The following MYO3A variants were observed in gnomAD, a reference collection of about 807,000 sequenced individuals.
MYO3A encodes the protein myosin IIIA, also known as myosin-IIIa.
Under a neutral mutation model 192.7 loss-of-function variants are expected in MYO3A, and 180 were observed. The ratio of observed to expected loss-of-function variants is 0.93; its 90% CI spans 0.83 to 1.06. The LOEUF is 1.06. MYO3A is among the 50% of genes least tolerant of loss of function. The pLI is 0.00. For missense variants in MYO3A, 1,896 were observed against 1,905.0 expected (o/e 1.00, Z 0.09); for synonymous variants, 628 against 645.3 (o/e 0.97, Z 0.41).
chr10:25,944,661 A>G (rs1836722097), intron 2 of MYO3A, among the ~76,000 whole-genome samples: 1 of 151,938 alleles, frequency 6.6e-6, no homozygotes, highest in Non-Finnish European at 1.5e-5. Flanking sequence ...GAATTTGTCC[A>G]CTTCATCTAG....
intron 4 of MYO3A, among the ~76,000 whole-genome samples, chr10:25,988,715 C>T (rs959977901): frequency 1.4e-4 from 22 of 151,882 alleles, no homozygotes; most frequent in African/African-American, 5.3e-4. Flanking sequence ...AACAGTGGTT[C>T]ATCCATTCAG....
chr10:26,181,092 T>A (rs1430604797), intron 31 of MYO3A, among the ~76,000 whole-genome samples: 1 of 152,140 alleles, frequency 6.6e-6, no homozygotes, highest in Admixed American at 6.5e-5. Context: ...ACCTGAGTAT[T>A]TATAAAAACC....
chr10:26,203,180 T>G lies in MYO3A; in HGVS notation c.4730+73T>G, dbSNP rs988599778. 8.1e-6 allele frequency: 12 copies of G among 1,482,168 alleles called. No homozygotes were observed. In the Admixed American group the frequency reaches 8.6e-5, roughly 11 times the overall value. The allele number at this position is 1,482,168 out of a possible 1,614,324, so 91.8% of individuals were successfully genotyped here. ...AATTTCATTTCTTAAGATATTTCAC[T>G]TTATATATAGATGAATGACAAAGCA... On this transcript the variant is annotated intron_variant, in intron 34 of 34. Coordinates refer to ENST00000642920, the MANE Select transcript of MYO3A (RefSeq NM_017433.5).
chr10:25,943,768 T>TTGTGTGTGTGTGTGTGTGTGTG (rs58905708), intron 2 of MYO3A, among the ~76,000 whole-genome samples: 1 of 142,590 alleles, frequency 7.0e-6, no homozygotes, highest in Admixed American at 7.0e-5. Context: ...GTTCTAACAT[T>TTGTGTGTGTGTGTGTGTGTGTG]TGTGTGTGTG....
intron 17 of MYO3A, among the ~76,000 whole-genome samples, chr10:26,118,456 C>G (rs2131686217): frequency 6.6e-6 from 1 of 152,266 alleles, no homozygotes; most frequent in African/African-American, 2.4e-5. Context: ...TATATCCAAG[C>G]CACTGTTATC....
Position 26,174,493 on chromosome 10 carries a change from A to T in MYO3A, c.4229A>T (p.Asp1410Val). Reference sequence around the variant, plus strand: ...GAAATCAATAACATCAAGAAGAAGGATAACAAAGACTCGAAAGCAACTTCA... The same window carrying T: ...GAAATCAATAACATCAAGAAGAAGGTTAACAAAGACTCGAAAGCAACTTCA... ...HEEINNIKKK[D>V]NKDSKATSER... Residue 1410 changes from aspartate to valine, a missense_variant, in exon 30 of 35, where the codon GAT becomes GTT. Asp to Val is a radical substitution (Grantham distance 152). Transcript: ENST00000642920. 2 of 1,614,134 alleles carry T rather than the reference A, an allele frequency of 1.2e-6. No individual in the cohort carries two copies. Among genetic ancestry groups the T allele is most frequent in the Non-Finnish European group, 1.7e-6 (2 of 1,180,030 alleles).
At chr10:25,945,606 TTTTC>T (rs1836784535) in intron 2 of MYO3A, among the ~76,000 whole-genome samples, 1 of 152,148 alleles carries the variant, frequency 6.6e-6, no homozygotes, top group African/African-American at 2.4e-5. Context: ...CATTTTCCCA[TTTTC>T]TTCTTTGTCT....
chr10:26,094,420 C>CTTTTTTTTT (rs965507109), intron 15 of MYO3A, among the ~76,000 whole-genome samples: 5 of 101,308 alleles, frequency 4.9e-5, no homozygotes, highest in South Asian at 3.4e-4. Context: ...TGAATAATTT[C>CTTTTTTTTT]TTTTTTTTTT....
chr10:26,016,806 G>T lies in MYO3A; in HGVS notation c.509-14G>T, dbSNP rs750952450. The T allele has an allele frequency of 4.3e-6, 7 of 1,613,184 alleles. No individual in the cohort carries two copies. The African/African-American group carries it at 8.0e-5, about 18-fold the overall frequency. On this transcript the variant is annotated splice_polypyrimidine_tract_variant and intron_variant, in intron 6 of 34. Transcript: ENST00000642920. The stretch of plus-strand genomic sequence containing the variant: ...TAATTAATGCAAAAAAGTACATCTT[G>T]TCTCTTCCTCTAGGTGTGTCTGCAC...
intron 31 of MYO3A, among the ~76,000 whole-genome samples, chr10:26,180,381 T>A (rs1290237494): frequency 6.6e-6 from 1 of 152,206 alleles, no homozygotes; most frequent in Non-Finnish European, 1.5e-5. Flanking sequence ...AAGAATACGT[T>A]TCTTAATTCA....
rs563202952 is a variant in MYO3A, at chr10:26,063,813, A to G, written c.954-3162A>G. Among the ~76,000 whole-genome samples the G allele has an allele frequency of 6.1e-4, 93 of 152,344 alleles. No individual in the cohort carries two copies. The Middle Eastern group carries it at 0.017, about 28-fold the overall frequency. On this transcript the variant is annotated intron_variant, in intron 10 of 34. Coordinates refer to ENST00000642920, the MANE Select transcript of MYO3A (RefSeq NM_017433.5). ...GGGATGTATAGTTTAAGAAACAGAA[A>G]CAAGTCCAGTTAAGCTAAAGTGTAA... is the stretch of plus-strand genomic sequence containing the variant.
At chr10:26,191,579 G>T (rs1452627506) in intron 31 of MYO3A, among the ~76,000 whole-genome samples, 1 of 152,236 alleles carries the variant, frequency 6.6e-6, no homozygotes, top group Non-Finnish European at 1.5e-5. Flanking sequence ...ATTGTTCCAT[G>T]CACTACACCT....
rs555265022 is a variant in MYO3A, at chr10:26,113,128, G to A, written c.1777-7548G>A. ...TGTGAAAGAAATTAAATATTTTAAAGCATCACAAAAAGGATTGAATTTCCA... is the reference window on the plus strand; with the variant it reads ...TGTGAAAGAAATTAAATATTTTAAAACATCACAAAAAGGATTGAATTTCCA... On this transcript the variant is annotated intron_variant, in intron 17 of 34. Coordinates refer to ENST00000642920, the MANE Select transcript of MYO3A (RefSeq NM_017433.5). Among the ~76,000 whole-genome samples the A allele has an allele frequency of 9.2e-5, 14 of 152,196 alleles. No homozygotes were observed. In the East Asian group the frequency reaches 2.7e-3, roughly 29 times the overall value.
At position 26,154,837 on chromosome 10, in the gene MYO3A, C is replaced by G; in HGVS notation, c.2793+14C>G. On this transcript the variant is annotated intron_variant, in intron 25 of 34. Transcript: ENST00000642920. ...TCATATTTTAGAGTAAGATATTAAA[C>G]TATGATGTATTGTGCTTAGGGGTGC... 6.2e-7 allele frequency: 1 copy of G among 1,601,044 alleles called. No homozygotes were observed. Among genetic ancestry groups the G allele is most frequent in the Non-Finnish European group, 8.5e-7 (1 of 1,170,390 alleles).
Position 26,157,317 on chromosome 10 carries a change from T to A in MYO3A, c.2801T>A (p.Leu934Gln). 6.2e-7 allele frequency: 1 copy of A among 1,614,038 alleles called. No homozygotes were observed. The highest frequency in any genetic ancestry group is 1.1e-5 in the South Asian group (1 of 91,084). The change falls in exon 26 of 35, where the codon CTG (leucine) becomes CAG (glutamine). Residue 934 changes from leucine (L) to glutamine (Q), a missense_variant. Transcript: ENST00000642920. ...QTVASYFRYS[L>Q]MDLLSKMVVG... The stretch of plus-strand genomic sequence containing the variant: ...TTTTGTTGTGTATTATAGTATTCCC[T>A]GATGGATTTGTTGTCTAAAATGGTG...
intron 14 of MYO3A, among the ~76,000 whole-genome samples, chr10:26,081,476 C>T (rs1211034231): frequency 2.0e-5 from 3 of 152,106 alleles, no homozygotes; most frequent in South Asian, 2.1e-4. Flanking sequence ...GAAAACCTGC[C>T]GCAGGCTATC....
chr10:26,055,104 G>A (rs1285640788), intron 10 of MYO3A, among the ~76,000 whole-genome samples: 1 of 152,174 alleles, frequency 6.6e-6, no homozygotes, highest in Non-Finnish European at 1.5e-5. Flanking sequence ...TCTATCCAGT[G>A]GTGCTAACCC....
At chr10:26,189,753 A>G (rs1270072574) in intron 31 of MYO3A, among the ~76,000 whole-genome samples, 6 of 152,204 alleles carry the variant, frequency 3.9e-5, no homozygotes, top group African/African-American at 1.4e-4. Flanking sequence ...AAATTTCACA[A>G]TTAAAGTGGT....
intron 4 of MYO3A, among the ~76,000 whole-genome samples, chr10:25,994,484 C>T (rs2130884521): frequency 6.6e-6 from 1 of 152,234 alleles, no homozygotes; most frequent in Non-Finnish European, 1.5e-5. Context: ...CAGTCTGTGT[C>T]TTTTAATTGG....
Sources: gnomAD v4.1 joint callset for allele counts (sites outside exome capture counted in the v4.1 genomes callset) on GRCh38, gnomAD v4.1.1 for gene constraint, MANE v1.5 for transcripts, NCBI Gene and HGNC (gene_info 2026-07-23, HGNC 2026-07-21) for gene names.